The following MAP4K4 variants were observed in gnomAD, a reference collection of about 807,000 sequenced individuals.
MAP4K4 encodes the protein mitogen-activated protein kinase kinase kinase kinase 4.
Under a neutral mutation model 189.6 loss-of-function variants are expected in MAP4K4, and 38 were observed. The observed-to-expected ratio is 0.20, with a 90% CI of 0.15 to 0.26. The LOEUF (loss-of-function observed/expected upper bound fraction) is 0.26, where lower values mean the gene tolerates loss of function less well. Among genes scored for constraint, MAP4K4 ranks in the 10% least tolerant of loss-of-function variants. MAP4K4 has a pLI of 1.00. For synonymous variants in MAP4K4, 610 were observed against 624.3 expected, an observed-to-expected ratio of 0.98 and a Z score of 0.34; for missense variants, 1,054 against 1,726.9, an observed-to-expected ratio of 0.61 and a Z score of 6.91.
chr2:101,829,372 A>G (rs1190296188), intron 5 of MAP4K4, 132 bp from the exon 6 acceptor site: 1 of 616,572 alleles, frequency 1.6e-6, no homozygotes, highest in African/African-American at 1.8e-5. Context: ...GGAATGCACT[A>G]AGACGAAGTT....
intron 2 of MAP4K4, among the ~76,000 whole-genome samples, chr2:101,785,711 T>TTTTC (rs1558914208): frequency 1.4e-4 from 1 of 7,034 alleles, no homozygotes; most frequent in African/African-American, 2.0e-3. Context: ...TCTCTCTCTC[T>TTTTC]CTCTCTCTCT....
intron 3 of MAP4K4, among the ~76,000 whole-genome samples, chr2:101,801,625 C>A (rs1233627679): frequency 6.6e-6 from 1 of 152,186 alleles, no homozygotes; most frequent in Non-Finnish European, 1.5e-5. Context: ...CTTACCAGTT[C>A]TGGGAGCGGT....
At chr2:101,775,836 A>AG (rs1427414647) in intron 2 of MAP4K4, among the ~76,000 whole-genome samples, 3 of 152,134 alleles carry the variant, frequency 2.0e-5, no homozygotes, top group African/African-American at 7.2e-5. Flanking sequence ...AGGCCAGTGA[A>AG]GGGGGAACAG....
intron 2 of MAP4K4, among the ~76,000 whole-genome samples, chr2:101,756,946 GTATT>G (rs2073177340): frequency 1.3e-5 from 2 of 152,122 alleles, no homozygotes; most frequent in Non-Finnish European, 2.9e-5. Context: ...TTTCACCTGA[GTATT>G]TATTGGGAGT....
intron 3 of MAP4K4, among the ~76,000 whole-genome samples, chr2:101,821,399 C>T (rs935200886): frequency 6.6e-6 from 1 of 152,146 alleles, no homozygotes; most frequent in Non-Finnish European, 1.5e-5. Flanking sequence ...AGATGGTACA[C>T]ATGGGCTATC....
chr2:101,789,876 T>C (rs947297698), intron 2 of MAP4K4, among the ~76,000 whole-genome samples: 1 of 152,072 alleles, frequency 6.6e-6, no homozygotes, highest in East Asian at 1.9e-4. Flanking sequence ...GAGAATGATA[T>C]CAAGTATGTC....
Position 101,738,713 on chromosome 2 carries a change from CTCTTT to C in MAP4K4, c.123+40185_123+40189del, listed in dbSNP as rs1462055061. On this transcript the variant is annotated intron_variant, in intron 2 of 32. Coordinates refer to ENST00000324219, the Ensembl canonical transcript of MAP4K4. ...TGCTTCCTTGAAGATCTGATGACCA[CTCTTT>C]TCTTTTCTTGCCCTCTGCTTGCTTT... Among the ~76,000 whole-genome samples the C allele has an allele frequency of 3.3e-5, 5 of 151,996 alleles. No individual in the cohort carries two copies. In the East Asian group the frequency reaches 7.7e-4, roughly 24 times the overall value.
chr2:101,792,597 T>TCCTCCTCCTCCTCCTCCTCCTC (rs2093068247), intron 3 of MAP4K4, among the ~76,000 whole-genome samples: 1 of 144,836 alleles, frequency 6.9e-6, no homozygotes, highest in African/African-American at 2.7e-5. Flanking sequence ...TTCTCCTCCT[T>TCCTCCTCCTCCTCCTCCTCCTC]CTCCTCCTCC....
Position 101,885,224 on chromosome 2 carries a change from GA to G in MAP4K4, c.3560del (p.Lys1187ArgfsTer43). 1 of 1,607,120 alleles carries G rather than the reference GA, an allele frequency of 6.2e-7. No individual in the cohort carries two copies. Among genetic ancestry groups the G allele is most frequent in the South Asian group, 1.1e-5 (1 of 89,958 alleles). ...GAATCAAATTTCTGGTGATTGCTTT[GA>G]AGAGTTCTGTGGAAGTCTATGCGTG... On this transcript the variant is annotated frameshift_variant, in exon 29 of 33. Coordinates refer to ENST00000324219, the Ensembl canonical transcript of MAP4K4. LOFTEE classifies it high-confidence loss of function.
intron 2 of MAP4K4, among the ~76,000 whole-genome samples, chr2:101,731,224 C>T (rs935256128): frequency 1.3e-5 from 2 of 151,784 alleles, no homozygotes; most frequent in Non-Finnish European, 2.9e-5. Flanking sequence ...TCAAGTGATT[C>T]TATTGCCTCA....
At chr2:101,857,301 G>A (rs1483161544) in intron 13 of MAP4K4, among the ~76,000 whole-genome samples, 1 of 152,036 alleles carries the variant, frequency 6.6e-6, no homozygotes, top group East Asian at 1.9e-4. Context: ...TTGTGAAATA[G>A]TAATTCCCAT....
intron 2 of MAP4K4, among the ~76,000 whole-genome samples, chr2:101,728,515 C>T (rs960386035): frequency 9.2e-5 from 14 of 151,584 alleles, no homozygotes; most frequent in African/African-American, 3.2e-4. Context: ...TATAGTAACA[C>T]TTTTTTTTTC....
chr2:101,721,365 T>C (rs533827312), intron 2 of MAP4K4, among the ~76,000 whole-genome samples: 3 of 151,882 alleles, frequency 2.0e-5, no homozygotes, highest in Admixed American at 6.5e-5. Context: ...GATAGCTGAT[T>C]GGGCAGGACA....
intron 2 of MAP4K4, among the ~76,000 whole-genome samples, chr2:101,751,560 A>C (rs1214289237): frequency 1.3e-5 from 2 of 152,254 alleles, no homozygotes; most frequent in Admixed American, 1.3e-4. Context: ...AATACTAGGC[A>C]CTGCTGTTTC....
At chr2:101,776,517 A>G (rs1317610758) in intron 2 of MAP4K4, among the ~76,000 whole-genome samples, 1 of 150,830 alleles carries the variant, frequency 6.6e-6, no homozygotes, top group Non-Finnish European at 1.5e-5. Context: ...AAAAAAAAAT[A>G]TACAGCTTTC....
intron 3 of MAP4K4, among the ~76,000 whole-genome samples, chr2:101,808,382 T>G (rs1217874948): frequency 2.0e-5 from 3 of 152,238 alleles, no homozygotes; most frequent in Non-Finnish European, 2.9e-5. Context: ...GGATTCTTGC[T>G]GCTTCAAGTG....
chr2:101,845,095 C>T (rs1014851894), intron 12 of MAP4K4, among the ~76,000 whole-genome samples: 1 of 151,750 alleles, frequency 6.6e-6, no homozygotes, highest in African/African-American at 2.4e-5. Context: ...AGGACCCTTC[C>T]CTAGAGCCTT....
intron 2 of MAP4K4, among the ~76,000 whole-genome samples, chr2:101,763,511 A>G (rs879930180): frequency 1.1e-4 from 16 of 152,226 alleles, no homozygotes; most frequent in Admixed American, 3.9e-4. Context: ...GTTTTAAATT[A>G]ATTTTTTATT....
At chr2:101,727,119 A>G (rs908349890) in intron 2 of MAP4K4, among the ~76,000 whole-genome samples, 4 of 152,312 alleles carry the variant, frequency 2.6e-5, no homozygotes, top group Non-Finnish European at 4.4e-5. Flanking sequence ...CCCCACCTCA[A>G]TATTGCCACA....
Sources: gnomAD v4.1 joint callset for allele counts (sites outside exome capture counted in the v4.1 genomes callset) on GRCh38, gnomAD v4.1.1 for gene constraint, MANE v1.5 for transcripts, NCBI Gene and HGNC (gene_info 2026-07-23, HGNC 2026-07-21) for gene names.